Variants in DPYD observed in about 807,000 individuals in gnomAD.
The protein encoded by DPYD is dihydropyrimidine dehydrogenase, also known as dihydropyrimidine dehydrogenase [NADP(+)].
Under a neutral mutation model 116.2 loss-of-function variants are expected in DPYD, and 109 were observed. The ratio of observed to expected loss-of-function variants is 0.94; its 90% CI spans 0.80 to 1.10. DPYD has a LOEUF of 1.10. DPYD is among the 50% of genes least tolerant of loss of function. The probability of loss-of-function intolerance (pLI) is 0.00; values close to 1 mark genes in which losing one functional copy is unlikely to be tolerated. For missense variants in DPYD, 1,302 were observed against 1,254.5 expected (o/e 1.04, Z -0.57); for synonymous variants, 440 against 432.0 (o/e 1.02, Z -0.23).
In DPYD at chr1:97,116,854, G is replaced by C. The variant is rs145119371; in HGVS notation, c.2623-18222C>G. Among the ~76,000 whole-genome samples the C allele has an allele frequency of 5.1e-3, 779 of 151,968 alleles. 5 individuals carry two copies. Among genetic ancestry groups the C allele is most frequent in the Middle Eastern group, 0.031 (9 of 294 alleles). The stretch of plus-strand genomic sequence containing the variant: ...TCTTTAGATATCTACCTCAGAAAAT[G>C]CTCAAAAAGGCAACTCCAGGCCAGT... On this transcript the variant is annotated intron_variant, in intron 20 of 22. Transcript: ENST00000370192.
chr1:97,236,027 T>A (rs2100752995), intron 18 of DPYD, among the ~76,000 whole-genome samples: 1 of 152,320 alleles, frequency 6.6e-6, no homozygotes, highest in Admixed American at 6.5e-5. Context: ...GGGGCTATTT[T>A]AAAAATGAGT....
At chr1:97,206,689 A>ATAAAC (rs1659654169) in intron 19 of DPYD, among the ~76,000 whole-genome samples, 1 of 85,606 alleles carries the variant, frequency 1.2e-5, no homozygotes, top group Non-Finnish European at 2.7e-5. Flanking sequence ...TATATATATA[A>ATAAAC]TCTATATGCT....
At chr1:97,583,712 A>G (rs542038475) in intron 10 of DPYD, among the ~76,000 whole-genome samples, 1 of 137,672 alleles carries the variant, frequency 7.3e-6, no homozygotes, top group East Asian at 2.1e-4. Context: ...GGGATAATTT[A>G]CTTTTTTCAG....
chr1:97,822,894 A>T (rs1669030580), intron 3 of DPYD, among the ~76,000 whole-genome samples: 1 of 152,234 alleles, frequency 6.6e-6, no homozygotes, highest in African/African-American at 2.4e-5. Context: ...TTTGCCAATT[A>T]TCTACTGAGT....
intron 13 of DPYD, among the ~76,000 whole-genome samples, chr1:97,455,516 A>G (rs1676634001): frequency 6.6e-6 from 1 of 151,968 alleles, no homozygotes; most frequent in African/African-American, 2.4e-5. Context: ...TAAGTACAAC[A>G]TAACCATACA....
chr1:97,517,133 A>G (rs936096981), intron 12 of DPYD, among the ~76,000 whole-genome samples: 1 of 152,072 alleles, frequency 6.6e-6, no homozygotes, highest in African/African-American at 2.4e-5. Context: ...AAACTTGTCA[A>G]TTGAAACACT....
chr1:97,909,796 A>G (rs543790270), intron 1 of DPYD, among the ~76,000 whole-genome samples: 215 of 152,202 alleles, frequency 1.4e-3, no homozygotes, highest in Non-Finnish European at 2.5e-3. Flanking sequence ...CTTTATGTCA[A>G]TAATTCCTCA....
chr1:97,108,500 TTCTGAG>T (rs1419711536), intron 20 of DPYD, among the ~76,000 whole-genome samples: 1 of 152,172 alleles, frequency 6.6e-6, no homozygotes, highest in Non-Finnish European at 1.5e-5. Context: ...CTATAGAACA[TTCTGAG>T]TCTATTAGGC....
intron 10 of DPYD, among the ~76,000 whole-genome samples, chr1:97,590,396 C>T (rs1217661801): frequency 6.6e-6 from 1 of 152,146 alleles, no homozygotes; most frequent in Non-Finnish European, 1.5e-5. Context: ...TGATTCCCTC[C>T]AGTAAATATT....
At chr1:97,303,613 AC>A (rs1189624978) in intron 18 of DPYD, among the ~76,000 whole-genome samples, 1 of 152,058 alleles carries the variant, frequency 6.6e-6, no homozygotes, top group Non-Finnish European at 1.5e-5. Flanking sequence ...TTACTTTTAA[AC>A]TTAAGCAAGC....
intron 12 of DPYD, among the ~76,000 whole-genome samples, chr1:97,520,393 C>T (rs1393105491): frequency 6.6e-6 from 1 of 152,168 alleles, no homozygotes; most frequent in Non-Finnish European, 1.5e-5. Context: ...TCAACTGATT[C>T]ATTCAAGCAT....
At chr1:97,653,759 T>A (rs976333506) in intron 8 of DPYD, among the ~76,000 whole-genome samples, 35 of 152,190 alleles carry the variant, frequency 2.3e-4, no homozygotes, top group African/African-American at 8.4e-4. Context: ...GGGAAGGGTC[T>A]GCAATATTTT....
At chr1:97,274,397 T>G (rs1362696224) in intron 18 of DPYD, among the ~76,000 whole-genome samples, 1 of 152,142 alleles carries the variant, frequency 6.6e-6, no homozygotes, top group Non-Finnish European at 1.5e-5. Flanking sequence ...TGCCCTCTCT[T>G]GCCATGTGAC....
At chr1:97,400,139 T>C (rs1200590887) in intron 14 of DPYD, among the ~76,000 whole-genome samples, 1 of 152,166 alleles carries the variant, frequency 6.6e-6, no homozygotes, top group African/African-American at 2.4e-5. Flanking sequence ...ACCTAATTTA[T>C]TGAGAGTTTT....
intron 16 of DPYD, among the ~76,000 whole-genome samples, chr1:97,316,713 T>C (rs1667876534): frequency 6.6e-6 from 1 of 151,638 alleles, no homozygotes; most frequent in African/African-American, 2.4e-5. Flanking sequence ...CCGCTATCTG[T>C]ACTCTACATT....
Position 97,450,112 on chromosome 1 carries a change from C to A in DPYD, c.1852G>T (p.Ala618Ser), listed in dbSNP as rs2101792460. The A allele has an allele frequency of 1.9e-6, 3 of 1,613,954 alleles. No homozygotes were observed. The highest frequency in any genetic ancestry group is 2.5e-6 in the Non-Finnish European group (3 of 1,179,910). ...GTGACACTTTGACACCAATATGCAGCCGTTTTCTCACTGATGAGCTCAATA... is the reference window on the plus strand; with the variant it reads ...GTGACACTTTGACACCAATATGCAGACGTTTTCTCACTGATGAGCTCAATA... Reference protein sequence around the residue: ...LNIELISEKTAAYWCQSVTEL... With the variant: ...LNIELISEKTSAYWCQSVTEL... Residue 618 changes from alanine to serine, a missense_variant, in exon 14 of 23, where the codon GCT (alanine) becomes TCT (serine). By Grantham distance (99) the Ala-to-Ser change is moderately conservative (BLOSUM62 1). Coordinates refer to ENST00000370192, the MANE Select transcript of DPYD (RefSeq NM_000110.4).
At chr1:97,893,429 C>CGCAT (rs71590235) in intron 1 of DPYD, among the ~76,000 whole-genome samples, 1 of 71,906 alleles carries the variant, frequency 1.4e-5, no homozygotes, top group Non-Finnish European at 2.6e-5. Context: ...ATATCCATCG[C>CGCAT]ATATATATAT....
chr1:97,153,688 A>G (rs1655200881), intron 20 of DPYD, among the ~76,000 whole-genome samples: 1 of 152,194 alleles, frequency 6.6e-6, no homozygotes, highest in South Asian at 2.1e-4. Flanking sequence ...TAGCAAAAGA[A>G]ATAATCAGCA....
intron 10 of DPYD, among the ~76,000 whole-genome samples, chr1:97,583,776 A>T (rs1020242807): frequency 4.0e-5 from 6 of 151,404 alleles, no homozygotes; most frequent in African/African-American, 7.3e-5. Context: ...TTTTTTTAAC[A>T]GTTTAAAATA....
Sources: gnomAD v4.1 joint callset for allele counts (sites outside exome capture counted in the v4.1 genomes callset) on GRCh38, gnomAD v4.1.1 for gene constraint, MANE v1.5 for transcripts, NCBI Gene and HGNC (gene_info 2026-07-23, HGNC 2026-07-21) for gene names.